Variants in ITPR2 observed in about 807,000 individuals in gnomAD.
The protein encoded by ITPR2 is inositol 1,4,5-trisphosphate receptor type 2.
A neutral mutation model predicts 317.1 loss-of-function variants in ITPR2; 207 were observed. That is an observed-to-expected ratio of 0.65 (90% CI 0.58 to 0.73). ITPR2 has a LOEUF of 0.73. Among genes scored for constraint, ITPR2 ranks in the 30% least tolerant of loss-of-function variants. The probability of loss-of-function intolerance (pLI) is 0.00; values close to 1 mark genes in which losing one functional copy is unlikely to be tolerated. For synonymous variants in ITPR2, 1,156 were observed against 1,149.1 expected, an observed-to-expected ratio of 1.01 and a Z score of -0.12; for missense variants, 2,613 against 3,284.0, an observed-to-expected ratio of 0.80 and a Z score of 4.99.
At chr12:26,667,515 C>T (rs747209539) in intron 13 of ITPR2, among the ~76,000 whole-genome samples, 9 of 152,178 alleles carry the variant, frequency 5.9e-5, no homozygotes, top group Non-Finnish European at 1.0e-4. Flanking sequence ...TGAAGGCAGC[C>T]ACAGAAACGT....
intron 55 of ITPR2, among the ~76,000 whole-genome samples, chr12:26,367,628 T>G (rs1384150797): frequency 6.6e-6 from 1 of 152,216 alleles, no homozygotes; most frequent in Non-Finnish European, 1.5e-5. Context: ...AGAAGTAATC[T>G]GGCAATACAG....
chr12:26,748,960 C>A (rs1052208768), intron 2 of ITPR2, among the ~76,000 whole-genome samples: 13 of 152,096 alleles, frequency 8.5e-5, no homozygotes, highest in African/African-American at 3.1e-4. Flanking sequence ...GTCTAAAGAG[C>A]GTGAAGGAAA....
chr12:26,772,477 TA>T (rs386375998), intron 2 of ITPR2, among the ~76,000 whole-genome samples: 1 of 81,874 alleles, frequency 1.2e-5, no homozygotes, highest in Non-Finnish European at 3.3e-5. Flanking sequence ...GTATTATATA[TA>T]ATATATATAA....
chr12:26,789,542 T>G (rs1449965344), intron 2 of ITPR2, among the ~76,000 whole-genome samples: 1 of 152,238 alleles, frequency 6.6e-6, no homozygotes, highest in Non-Finnish European at 1.5e-5. Context: ...TGAAATTGAT[T>G]TGGGCAAGCT....
intron 34 of ITPR2, among the ~76,000 whole-genome samples, chr12:26,571,169 T>C (rs936408746): frequency 6.6e-6 from 1 of 152,220 alleles, no homozygotes; most frequent in African/African-American, 2.4e-5. Context: ...AAAAGCACTT[T>C]AGCCTTTAAA....
intron 45 of ITPR2, among the ~76,000 whole-genome samples, chr12:26,450,938 G>A (rs1051049293): frequency 6.6e-6 from 1 of 152,122 alleles, no homozygotes; most frequent in African/African-American, 2.4e-5. Context: ...TAGTACAGTG[G>A]AATGGATTAG....
In ITPR2 at chr12:26,816,092, C is replaced by CAAAA. The variant is rs11409442; in HGVS notation, c.92+16594_92+16597dup. 2.9e-4 allele frequency among the ~76,000 whole-genome samples: 17 copies of CAAAA among 59,500 alleles called. No individual in the cohort carries two copies. The East Asian group carries it at 7.5e-3, about 26-fold the overall frequency. The allele number at this position is 59,500 out of a possible 152,430, so 39.0% of individuals were successfully genotyped here. On this transcript the variant is annotated intron_variant, in intron 1 of 56. Transcript: ENST00000381340. ...TGGGTGACAGAGCAAGACTCCGTCT[C>CAAAA]AAAAAAAAAAAAAAAAAAAAAAAGG...
intron 13 of ITPR2, among the ~76,000 whole-genome samples, chr12:26,673,394 G>A (rs1432919656): frequency 3.0e-4 from 46 of 152,010 alleles, no homozygotes; most frequent in African/African-American, 1.0e-3. Context: ...TTCAATATAC[G>A]CAAATCACTA....
chr12:26,663,971 A>AG (rs1947562535), intron 14 of ITPR2, 125 bp from the exon 15 acceptor site: 3 of 897,694 alleles, frequency 3.3e-6, no homozygotes. Flanking sequence ...AGTAAACGGG[A>AG]AAAACAAAAG....
intron 1 of ITPR2, among the ~76,000 whole-genome samples, chr12:26,804,763 T>C (rs1302658019): frequency 6.6e-6 from 1 of 152,016 alleles, no homozygotes; most frequent in Non-Finnish European, 1.5e-5. Context: ...TGAGACAAGG[T>C]CTCTCTCTGT....
chr12:26,688,066 C>G (rs1948163093), intron 10 of ITPR2, among the ~76,000 whole-genome samples: 1 of 152,038 alleles, frequency 6.6e-6, no homozygotes, highest in Non-Finnish European at 1.5e-5. Flanking sequence ...GACAAGGTCT[C>G]ACTCTGTTGC....
At chr12:26,611,208 A>G (rs935943857) in intron 26 of ITPR2, among the ~76,000 whole-genome samples, 1 of 152,216 alleles carries the variant, frequency 6.6e-6, no homozygotes, top group Non-Finnish European at 1.5e-5. Context: ...AAATCAGTAC[A>G]CAGCCCCTTG....
intron 23 of ITPR2, among the ~76,000 whole-genome samples, chr12:26,625,713 T>C (rs993500077): frequency 6.6e-6 from 1 of 152,168 alleles, no homozygotes; most frequent in Non-Finnish European, 1.5e-5. Flanking sequence ...TTACATATAA[T>C]TTAAATGAGT....
intron 54 of ITPR2, among the ~76,000 whole-genome samples, chr12:26,390,261 T>G (rs534879135): frequency 6.6e-6 from 1 of 152,310 alleles, no homozygotes; most frequent in East Asian, 1.9e-4. Flanking sequence ...CACTCCTGGG[T>G]ATATATTCAA....
At chr12:26,678,543 A>G (rs1435521099) in intron 13 of ITPR2, among the ~76,000 whole-genome samples, 1 of 152,228 alleles carries the variant, frequency 6.6e-6, no homozygotes, top group Non-Finnish European at 1.5e-5. Context: ...TTTATATTCA[A>G]TTCCAAAACT....
rs192076848 is a variant in ITPR2 at position 26,339,166 on chromosome 12, T to C, written c.*231A>G. 2.2e-5 allele frequency: 10 copies of C among 464,590 alleles called. No homozygotes were observed. The highest frequency in any genetic ancestry group is 1.9e-4 in the Admixed American group (5 of 25,998). The allele number at this position is 464,590 out of a possible 1,614,324, so 28.8% of individuals were successfully genotyped here. ...GGGCAAGCCTTTTCTTCCTGATGCA[T>C]TGCGAATGTGTGATGTACGCTTTCT... On this transcript the variant is annotated 3_prime_UTR_variant, in exon 57 of 57. Coordinates refer to ENST00000381340, the MANE Select transcript of ITPR2 (RefSeq NM_002223.4).
chr12:26,828,173 C>T (rs1951036816), intron 1 of ITPR2, among the ~76,000 whole-genome samples: 1 of 152,110 alleles, frequency 6.6e-6, no homozygotes, highest in Admixed American at 6.5e-5. Flanking sequence ...AACAGACCTC[C>T]AACTAACAGA....
chr12:26,828,823 T>G (rs1285741631), intron 1 of ITPR2, among the ~76,000 whole-genome samples: 1 of 152,156 alleles, frequency 6.6e-6, no homozygotes, highest in African/African-American at 2.4e-5. Context: ...TAGCATCTTA[T>G]CTAACAACTG....
chr12:26,807,678 G>A (rs550205843), intron 1 of ITPR2, among the ~76,000 whole-genome samples: 5 of 152,266 alleles, frequency 3.3e-5, no homozygotes, highest in Non-Finnish European at 7.4e-5. Flanking sequence ...AAGAAAGATA[G>A]TCTTTACTTT....
Sources: gnomAD v4.1 joint callset for allele counts (sites outside exome capture counted in the v4.1 genomes callset) on GRCh38, gnomAD v4.1.1 for gene constraint, MANE v1.5 for transcripts, NCBI Gene and HGNC (gene_info 2026-07-23, HGNC 2026-07-21) for gene names.